WWOX: variants seen among roughly 807,000 people sequenced by gnomAD.
WWOX encodes the protein WW domain-containing oxidoreductase.
In WWOX, 69 loss-of-function variants were observed where a neutral mutation model predicts 46.2. That is an observed-to-expected ratio of 1.49 (90% CI 1.23 to 1.82). WWOX has a LOEUF of 1.82. Ranked by LOEUF, WWOX falls within the 40% of genes most tolerant of loss-of-function variation. The pLI is 0.00. For missense variants in WWOX, 919 were observed against 542.6 expected (o/e 1.69, Z -6.89); for synonymous variants, 359 against 202.6 (o/e 1.77, Z -6.56).
intron 5 of WWOX, among the ~76,000 whole-genome samples, chr16:78,260,728 C>G (rs1017347510): frequency 6.7e-6 from 1 of 150,318 alleles, no homozygotes; most frequent in African/African-American, 2.5e-5. Flanking sequence ...CACTTGAGGT[C>G]AGGAGTTTGA....
chr16:78,326,352 A>G (rs528830571), intron 5 of WWOX, among the ~76,000 whole-genome samples: 27 of 152,328 alleles, frequency 1.8e-4, no homozygotes, highest in African/African-American at 5.5e-4. Context: ...CCAATTTGGC[A>G]TATTCTGTCT....
At chr16:78,965,489 G>C (rs542456937) in intron 8 of WWOX, among the ~76,000 whole-genome samples, 4 of 151,560 alleles carry the variant, frequency 2.6e-5, no homozygotes, top group Non-Finnish European at 5.9e-5. Flanking sequence ...AGAATCACTT[G>C]AACCCGGAAA....
At chr16:78,668,050 G>A (rs1435770407) in intron 8 of WWOX, among the ~76,000 whole-genome samples, 2 of 152,104 alleles carry the variant, frequency 1.3e-5, no homozygotes, top group Non-Finnish European at 2.9e-5. Flanking sequence ...AGGCCGAGGC[G>A]GGTGGATCAC....
intron 8 of WWOX, among the ~76,000 whole-genome samples, chr16:78,518,596 T>C (rs1464598741): frequency 6.6e-6 from 1 of 152,194 alleles, no homozygotes; most frequent in South Asian, 2.1e-4. Context: ...CAATGGAAAC[T>C]TATAATTTTA....
At chr16:78,646,643 A>G (rs1597390621) in intron 8 of WWOX, among the ~76,000 whole-genome samples, 1 of 152,060 alleles carries the variant, frequency 6.6e-6, no homozygotes, top group Non-Finnish European at 1.5e-5. Flanking sequence ...GGCCAAGCTG[A>G]TCTCAAACTC....
chr16:79,078,836 T>A (rs1275135918), intron 8 of WWOX, among the ~76,000 whole-genome samples: 1 of 152,218 alleles, frequency 6.6e-6, no homozygotes, highest in Non-Finnish European at 1.5e-5. Context: ...ACGGTTAAAG[T>A]GACATGGTCC....
chr16:78,897,596 A>C (rs997918043), intron 8 of WWOX: 3 of 152,118 alleles, frequency 2.0e-5, no homozygotes, highest in African/African-American at 7.2e-5. Flanking sequence ...TGGGTTGTTT[A>C]TATTTGTTGG....
At chr16:79,178,907 T>A (rs1231151044) in intron 8 of WWOX, among the ~76,000 whole-genome samples, 1 of 152,258 alleles carries the variant, frequency 6.6e-6, no homozygotes, top group Non-Finnish European at 1.5e-5. Flanking sequence ...GAGAGCTGTT[T>A]AGTTAGAAGA....
intron 4 of WWOX, among the ~76,000 whole-genome samples, chr16:78,134,086 G>A (rs1006248976): frequency 1.3e-5 from 2 of 152,124 alleles, no homozygotes; most frequent in African/African-American, 4.8e-5. Context: ...ATGTTGGTTA[G>A]GAGAACTAAC....
At chr16:79,191,293 CA>C (rs2051131301) in intron 8 of WWOX, among the ~76,000 whole-genome samples, 1 of 152,052 alleles carries the variant, frequency 6.6e-6, no homozygotes, top group African/African-American at 2.4e-5. Context: ...TGAGCTCAGG[CA>C]ATCTGCCCGC....
At chr16:78,228,662 C>T (rs897157248) in intron 5 of WWOX, among the ~76,000 whole-genome samples, 2 of 152,184 alleles carry the variant, frequency 1.3e-5, no homozygotes, top group Non-Finnish European at 2.9e-5. Context: ...ATTCTCTTCA[C>T]TGAAACATTT....
At chr16:78,587,376 G>C (rs1242884499) in intron 8 of WWOX, among the ~76,000 whole-genome samples, 1 of 151,866 alleles carries the variant, frequency 6.6e-6, no homozygotes, top group East Asian at 1.9e-4. Context: ...TTCAGAGAAA[G>C]CAACCAAAGG....
chr16:79,068,566 G>A (rs1382948183), intron 8 of WWOX, among the ~76,000 whole-genome samples: 1 of 152,124 alleles, frequency 6.6e-6, no homozygotes, highest in South Asian at 2.1e-4. Context: ...CGCTTTGGGA[G>A]GCTGAAGCAG....
rs550791890 is a variant in WWOX at position 78,441,954 on chromosome 16, G to A, written c.1056+9202G>A. ...TGAGTGACAAAAATTTCATATATGC[G>A]CATGAGTGTGTGTGTGTGTGTGTGT... On this transcript the variant is annotated intron_variant, in intron 8 of 8. Transcript: ENST00000566780. 2.8e-5 allele frequency among the ~76,000 whole-genome samples: 4 copies of A among 143,228 alleles called. No homozygotes were observed. In the East Asian group the frequency reaches 8.2e-4, roughly 29 times the overall value. The allele number at this position is 143,228 out of a possible 152,430, so 94.0% of individuals were successfully genotyped here.
chr16:78,510,156 T>C (rs1165407189), intron 8 of WWOX, among the ~76,000 whole-genome samples: 1 of 152,190 alleles, frequency 6.6e-6, no homozygotes. Flanking sequence ...GAGTCACTTA[T>C]GCCCTTGAAG....
intron 8 of WWOX, among the ~76,000 whole-genome samples, chr16:79,009,307 G>C (rs1031883594): frequency 1.3e-5 from 2 of 152,144 alleles, no homozygotes; most frequent in African/African-American, 4.8e-5. Flanking sequence ...GCGCTTTCTG[G>C]AATCTTTGTG....
intron 8 of WWOX, among the ~76,000 whole-genome samples, chr16:79,135,009 C>T (rs2049955835): frequency 6.6e-6 from 1 of 152,050 alleles, no homozygotes; most frequent in African/African-American, 2.4e-5. Flanking sequence ...GAAATGAGGG[C>T]TTATGCTGTT....
At position 79,211,703 on chromosome 16, in the gene WWOX, C is replaced by G. The variant is rs2051759603; in HGVS notation, c.1152C>G (p.Pro384=). Residue 384 remains proline (P), a synonymous_variant, in exon 9 of 9, where the codon CCC becomes CCG. Coordinates refer to ENST00000566780, the MANE Select transcript of WWOX (RefSeq NM_016373.4). ...MYFNNCCRCM[P]SPEAQSEETA... is the part of the protein sequence containing the mutation. ...TCAACAACTGCTGCCGCTGCATGCCCTCACCAGAAGCTCAGAGCGAAGAGA... is the reference window on the plus strand; with the variant it reads ...TCAACAACTGCTGCCGCTGCATGCCGTCACCAGAAGCTCAGAGCGAAGAGA... 2 of 1,614,232 alleles carry G rather than the reference C, an allele frequency of 1.2e-6. No homozygotes were observed. The highest frequency in any genetic ancestry group is 8.5e-7 in the Non-Finnish European group (1 of 1,180,048).
At chr16:78,687,808 T>C (rs1181909255) in intron 8 of WWOX, among the ~76,000 whole-genome samples, 11 of 152,202 alleles carry the variant, frequency 7.2e-5, no homozygotes, top group Non-Finnish European at 1.6e-4. Context: ...TAGGGCTTAT[T>C]ATTTAGTAAT....
Sources: gnomAD v4.1 joint callset for allele counts (sites outside exome capture counted in the v4.1 genomes callset) on GRCh38, gnomAD v4.1.1 for gene constraint, MANE v1.5 for transcripts, NCBI Gene and HGNC (gene_info 2026-07-23, HGNC 2026-07-21) for gene names.